The following CCDC136 variants were observed in gnomAD, a reference collection of about 807,000 sequenced individuals.
The protein encoded by CCDC136 is coiled-coil domain-containing protein 136.
A neutral mutation model predicts 141.2 loss-of-function variants in CCDC136; 100 were observed. The ratio of observed to expected loss-of-function variants is 0.71; its 90% CI spans 0.60 to 0.84. The LOEUF (loss-of-function observed/expected upper bound fraction) is 0.84. Among genes scored for constraint, CCDC136 ranks in the 40% least tolerant of loss-of-function variants. CCDC136 has a pLI of 0.00. For missense variants in CCDC136, 1,206 were observed against 1,379.4 expected (o/e 0.87, Z 1.99); for synonymous variants, 474 against 531.9 (o/e 0.89, Z 1.50).
intron 3 of CCDC136, among the ~76,000 whole-genome samples, chr7:128,797,712 G>A (rs1330534907): frequency 6.6e-6 from 1 of 152,192 alleles, no homozygotes; most frequent in Non-Finnish European, 1.5e-5. Flanking sequence ...ATTTTGAAGA[G>A]AAGCAGAGAA....
rs183577060 is a variant in CCDC136 at position 128,811,370 on chromosome 7, A to T, written c.2029-430A>T. 1.0e-4 allele frequency: 48 copies of T among 457,896 alleles called. No homozygotes were observed. In the East Asian group the frequency reaches 3.2e-3, roughly 30 times the overall value. The allele number at this position is 457,896 out of a possible 1,614,324, so 28.4% of individuals were successfully genotyped here. Reference sequence around the variant, plus strand: ...AACTAATAGTAAGACTTTGATTCCAATTCTTCATATTGCCGCATTCAAGGC... The same window carrying T: ...AACTAATAGTAAGACTTTGATTCCATTTCTTCATATTGCCGCATTCAAGGC... On this transcript the variant is annotated intron_variant, in intron 12 of 17. Transcript: ENST00000297788.
intron 15 of CCDC136, among the ~76,000 whole-genome samples, 177 bp downstream of exon 15, chr7:128,815,096 A>G (rs1806388129): frequency 6.6e-6 from 1 of 152,118 alleles, no homozygotes; most frequent in African/African-American, 2.4e-5. Context: ...TTTTCCTGTG[A>G]AGTTATGGGG....
intron 14 of CCDC136, among the ~76,000 whole-genome samples, chr7:128,814,028 A>T (rs909052385): frequency 6.6e-6 from 1 of 152,098 alleles, no homozygotes; most frequent in Admixed American, 6.5e-5. Flanking sequence ...CAGAATTGGT[A>T]GCAGCCCTAT....
At position 128,815,777 on chromosome 7, in the gene CCDC136, A is replaced by G. The variant is rs1192280232; in HGVS notation, c.3209A>G (p.Glu1070Gly). 1 of 1,580,680 alleles carries G rather than the reference A, an allele frequency of 6.3e-7. No homozygotes were observed. Among genetic ancestry groups the G allele is most frequent in the Admixed American group, 1.8e-5 (1 of 54,168 alleles). Residue 1070 changes from glutamate (E) to glycine (G), a missense_variant, in exon 16 of 18, where the codon GAG becomes GGG. Coordinates refer to ENST00000297788, the MANE Select transcript of CCDC136 (RefSeq NM_022742.5). ...DELVAEPADP[E>G]EAKSTEDQEE... ...CTAGTTGCTGAGCCAGCAGATCCTG[A>G]GGAAGCTAAATCCACAGAAGATCAG...
intron 16 of CCDC136, among the ~76,000 whole-genome samples, chr7:128,816,932 G>A (rs76128457): frequency 1.3e-5 from 2 of 152,148 alleles, no homozygotes; most frequent in African/African-American, 4.8e-5. Context: ...TGCTTACCTT[G>A]TGCCAGGGGA....
upstream of CCDC136, chr7:128,791,354 CG>C (rs994645091): frequency 1.7e-5 from 8 of 473,054 alleles, no homozygotes; most frequent in South Asian, 8.7e-5. The surrounding 1 kb of genome is among the most constrained non-coding windows in gnomAD (Gnocchi z 7.1). Context: ...CGGCGAGCGG[CG>C]GGGGGCGGTG....
chr7:128,798,159 C>A (rs1803361406), intron 3 of CCDC136, among the ~76,000 whole-genome samples: 1 of 148,580 alleles, frequency 6.7e-6, no homozygotes. Context: ...CCTCATGATC[C>A]GCCCGCCTCT....
intron 17 of CCDC136, among the ~76,000 whole-genome samples, chr7:128,819,045 T>C (rs1807076766): frequency 6.6e-6 from 1 of 152,228 alleles, no homozygotes; most frequent in Admixed American, 6.5e-5. Context: ...CTTCTTGACT[T>C]TAGGTATTCC....
chr7:128,808,099 C>T (rs755585897), intron 10 of CCDC136, among the ~76,000 whole-genome samples: 2 of 152,190 alleles, frequency 1.3e-5, no homozygotes, highest in Admixed American at 6.5e-5. Flanking sequence ...TGCAGTGACA[C>T]GATCTCAGCT....
intron 9 of CCDC136, 56 bp downstream of exon 9, chr7:128,806,914 TG>T: frequency 6.5e-7 from 1 of 1,527,532 alleles, no homozygotes; most frequent in Non-Finnish European, 8.8e-7. Flanking sequence ...TGTGTGAGGG[TG>T]AGAGCACAGA....
At chr7:128,793,506 C>T (rs1802507296) in intron 1 of CCDC136, among the ~76,000 whole-genome samples, 1 of 152,206 alleles carries the variant, frequency 6.6e-6, no homozygotes, top group South Asian at 2.1e-4. Flanking sequence ...GAAACCTCTA[C>T]AATCAGATAT....
At position 128,817,775 on chromosome 7, in the gene CCDC136, T is replaced by C. The variant is rs1393519682; in HGVS notation, c.3381T>C (p.Asn1127=). 1 of 1,613,054 alleles carries C rather than the reference T, an allele frequency of 6.2e-7. No homozygotes were observed. Among genetic ancestry groups the C allele is most frequent in the Admixed American group, 1.7e-5 (1 of 59,966 alleles). The change falls in exon 17 of 18, where the codon AAT becomes AAC. Residue 1127 remains asparagine (N), a synonymous_variant. Coordinates refer to ENST00000297788, the MANE Select transcript of CCDC136 (RefSeq NM_022742.5). The surrounding 1 kb of genome is among the most constrained non-coding windows in gnomAD (Gnocchi z 4.6). ...SESKKSSPTP[N]PPIFSLPLVG... Reference sequence around the variant, plus strand: ...TGTTGCAGTCATCCCCTACCCCCAATCCCCCCATCTTCTCCTTGCCTCTTG... The same window carrying C: ...TGTTGCAGTCATCCCCTACCCCCAACCCCCCCATCTTCTCCTTGCCTCTTG...
At position 128,801,283 on chromosome 7, in the gene CCDC136, T is replaced by C. The variant is rs1399089845; in HGVS notation, c.444T>C (p.Ala148=). The C allele has an allele frequency of 6.2e-7, 1 of 1,613,900 alleles. No individual in the cohort carries two copies. The highest frequency in any genetic ancestry group is 2.2e-5 in the East Asian group (1 of 44,868). Residue 148 remains alanine, a synonymous_variant, in exon 4 of 18, where the codon GCT becomes GCC. Transcript: ENST00000297788. ...AACAGGAATTGCATTTGGCCCAGGC[T>C]GAGATCCAGAGTCTGCGGCAAGCAG... is the stretch of plus-strand genomic sequence containing the variant. The part of the protein sequence containing the change: ...EIEQELHLAQ[A]EIQSLRQAAE...
chr7:128,791,480 C>T (rs1441242351), upstream of CCDC136: 6 of 1,320,592 alleles, frequency 4.5e-6, no homozygotes, highest in South Asian at 6.5e-5. The surrounding 1 kb of genome is among the most constrained non-coding windows in gnomAD (Gnocchi z 7.1). Flanking sequence ...CGGAAGGCGG[C>T]GGCGGGAGCG....
chr7:128,819,437 G>A (rs1049275398), intron 17 of CCDC136, among the ~76,000 whole-genome samples: 3 of 152,244 alleles, frequency 2.0e-5, no homozygotes, highest in Non-Finnish European at 2.9e-5. Context: ...TTCTTCAAAT[G>A]TAAGCAAAGG....
Position 128,792,274 on chromosome 7 carries a change from CAGCCAG to C in CCDC136, c.-137_-132del. Reference sequence around the variant, plus strand: ...CTTCTTTCCTCTGCACCCCAGCCCGCAGCCAGCCCCCCACCCCCCAGCCCCTCCTTT... The same window carrying C: ...CTTCTTTCCTCTGCACCCCAGCCCGCCCCCCCACCCCCCAGCCCCTCCTTT... On this transcript the variant is annotated 5_prime_UTR_variant, in exon 1 of 18. Transcript: ENST00000297788. 6.6e-7 allele frequency: 1 copy of C among 1,506,660 alleles called. No individual in the cohort carries two copies. Among genetic ancestry groups the C allele is most frequent in the Non-Finnish European group, 8.9e-7 (1 of 1,119,748 alleles). The allele number at this position is 1,506,660 out of a possible 1,614,324, so 93.3% of individuals were successfully genotyped here.
chr7:128,818,942 T>C (rs1475799026), intron 17 of CCDC136, among the ~76,000 whole-genome samples: 1 of 152,150 alleles, frequency 6.6e-6, no homozygotes, highest in Non-Finnish European at 1.5e-5. Context: ...AACTGGAGGA[T>C]TTGTTGGTGG....
At chr7:128,810,696 TATA>T (rs1426781742) in intron 12 of CCDC136, among the ~76,000 whole-genome samples, 1 of 152,230 alleles carries the variant, frequency 6.6e-6, no homozygotes, top group Non-Finnish European at 1.5e-5. Context: ...CAGTAAGATG[TATA>T]ATATCAGTTT....
chr7:128,809,806 A>G (rs1006699810), intron 11 of CCDC136, among the ~76,000 whole-genome samples, 162 bp downstream of exon 11: 1 of 152,214 alleles, frequency 6.6e-6, no homozygotes, highest in African/African-American at 2.4e-5. Context: ...CCATAGAGCC[A>G]ATTAGAGTTT....
Sources: allele counts gnomAD v4.1 joint callset (sites outside exome capture counted in the v4.1 genomes callset), GRCh38; gene constraint gnomAD v4.1.1; non-coding constraint Gnocchi (gnomAD v3.1); transcripts MANE v1.5; gene names NCBI Gene and HGNC (gene_info 2026-07-23, HGNC 2026-07-21).